The following KCTD10 variants were observed in gnomAD, a reference collection of about 807,000 sequenced individuals.
The protein encoded by KCTD10 is BTB/POZ domain-containing adapter for CUL3-mediated RhoA degradation protein 3.
KCTD10 carries 13 observed loss-of-function variants against 34.6 expected under a neutral mutation model. The observed-to-expected ratio is 0.38, with a 90% CI of 0.24 to 0.60. The LOEUF (loss-of-function observed/expected upper bound fraction) is 0.60, where lower values mean the gene tolerates loss of function less well. Ranked by LOEUF, KCTD10 falls within the 20% of genes least tolerant of loss-of-function variation. The pLI is 0.66. For synonymous variants in KCTD10, 156 were observed against 168.8 expected, an observed-to-expected ratio of 0.92 and a Z score of 0.59; for missense variants, 256 against 420.3, an observed-to-expected ratio of 0.61 and a Z score of 3.42.
intron 2 of KCTD10, among the ~76,000 whole-genome samples, chr12:109,461,128 G>A (rs973627622): frequency 1.3e-5 from 2 of 152,238 alleles, no homozygotes; most frequent in African/African-American, 2.4e-5. Context: ...CAGGGGCCTC[G>A]TGTACCACAC....
rs973161975 is a variant in KCTD10, at chr12:109,455,316, C to A, written c.723+802G>T. 4.6e-5 allele frequency among the ~76,000 whole-genome samples: 7 copies of A among 151,886 alleles called. 1 individual carries two copies. The highest frequency in any genetic ancestry group is 1.7e-4 in the African/African-American group (7 of 41,330). ...GAGTGAGAGTGCCCAAGCTGATGGC[C>A]CTTGACGTGGCGTGATGGCACAGGG... is the stretch of plus-strand genomic sequence containing the variant. On this transcript the variant is annotated intron_variant, in intron 6 of 6. Transcript: ENST00000228495.
In KCTD10 at chr12:109,451,572, G is replaced by A. The variant is rs1872767016; in HGVS notation, c.*23C>T. 6.3e-7 allele frequency: 1 copy of A among 1,585,746 alleles called. No individual in the cohort carries two copies. The highest frequency in any genetic ancestry group is 8.6e-7 in the Non-Finnish European group (1 of 1,164,956). ...GCAGGGAGTGGGGGCGGTGAGAGGA[G>A]GGCGGCTCGGTCTCTTGCCTGCTCA... is the stretch of plus-strand genomic sequence containing the variant. On this transcript the variant is annotated 3_prime_UTR_variant, in exon 7 of 7. Transcript: ENST00000228495. The surrounding 1 kb of genome is among the most constrained non-coding windows in gnomAD (Gnocchi z 5.0).
intron 2 of KCTD10, among the ~76,000 whole-genome samples, chr12:109,467,795 C>T (rs760361202): frequency 2.0e-5 from 3 of 151,916 alleles, no homozygotes; most frequent in Non-Finnish European, 4.4e-5. Context: ...AAAAACATCT[C>T]ATAGCAGGGA....
chr12:109,455,792 G>A (rs558377981), intron 6 of KCTD10, among the ~76,000 whole-genome samples: 6 of 152,298 alleles, frequency 3.9e-5, no homozygotes, highest in East Asian at 1.9e-4. Context: ...TTTGTGGAAC[G>A]GCATGGTGGG....
chr12:109,471,710 G>T (rs550159423), intron 1 of KCTD10, among the ~76,000 whole-genome samples: 7 of 152,264 alleles, frequency 4.6e-5, no homozygotes, highest in South Asian at 4.1e-4. Flanking sequence ...ACCTCGAAGG[G>T]GGGGAGAAAA....
intron 2 of KCTD10, chr12:109,465,022 C>T: frequency 3.2e-6 from 1 of 308,076 alleles, no homozygotes; most frequent in Non-Finnish European, 6.5e-6. Flanking sequence ...GAGTCCAGAG[C>T]CCCCTCATTT....
intron 5 of KCTD10, chr12:109,456,595 C>A: frequency 2.2e-6 from 1 of 453,384 alleles, no homozygotes; most frequent in Non-Finnish European, 4.1e-6. Flanking sequence ...AACCATTGTG[C>A]TTGAGTGACA....
Position 109,450,241 on chromosome 12 carries a change from C to CT in KCTD10, c.*1353dup. ...CTACCTAGTCTAGTCTCAACCACCCCTGTCAGTCACGACTCACTCCTGTTC... is the reference window on the plus strand; with the variant it reads ...CTACCTAGTCTAGTCTCAACCACCCCTTGTCAGTCACGACTCACTCCTGTTC... On this transcript the variant is annotated 3_prime_UTR_variant, in exon 7 of 7. Transcript: ENST00000228495. The CT allele has an allele frequency of 2.5e-6, 1 of 398,640 alleles. No individual in the cohort carries two copies. Among genetic ancestry groups the CT allele is most frequent in the East Asian group, 3.6e-5 (1 of 28,068 alleles). The allele number at this position is 398,640 out of a possible 1,614,324, so 24.7% of individuals were successfully genotyped here.
intron 1 of KCTD10, chr12:109,470,611 C>T: frequency 1.0e-6 from 1 of 985,238 alleles, no homozygotes; most frequent in South Asian, 4.7e-5. Flanking sequence ...CTGGGGTAGC[C>T]CCCACGGCTG....
At chr12:109,462,241 G>A (rs1332034204) in intron 2 of KCTD10, among the ~76,000 whole-genome samples, 2 of 152,242 alleles carry the variant, frequency 1.3e-5, no homozygotes, top group Non-Finnish European at 2.9e-5. Flanking sequence ...TTTGATAACA[G>A]GGCCGTTTCC....
At chr12:109,455,214 G>C (rs758417143) in intron 6 of KCTD10, among the ~76,000 whole-genome samples, 1 of 152,148 alleles carries the variant, frequency 6.6e-6, no homozygotes, top group Non-Finnish European at 1.5e-5. Context: ...TTTTAGGATA[G>C]ATTTTGAATG....
At chr12:109,473,277 T>C (rs771482951) in intron 1 of KCTD10, among the ~76,000 whole-genome samples, 4 of 152,056 alleles carry the variant, frequency 2.6e-5, no homozygotes, top group Non-Finnish European at 4.4e-5. Context: ...CAAAAAGCCC[T>C]GAAAATAGTC....
intron 1 of KCTD10, among the ~76,000 whole-genome samples, chr12:109,472,175 ATTTTT>A (rs962546558): frequency 6.6e-6 from 1 of 151,620 alleles, no homozygotes; most frequent in Non-Finnish European, 1.5e-5. Context: ...AAACTTTTTA[ATTTTT>A]TTTTAACTTT....
In KCTD10 at chr12:109,457,860, A is replaced by G. The variant is rs1873106093; in HGVS notation, c.474+132T>C. ...AGCAGGGGCACAAAAGATGACCTGT[A>G]GCTTCCCACTGTGAACCCATTATCA... On this transcript the variant is annotated intron_variant, in intron 4 of 6. Coordinates refer to ENST00000228495, the MANE Select transcript of KCTD10 (RefSeq NM_031954.5). 8 of 995,158 alleles carry G rather than the reference A, an allele frequency of 8.0e-6. No homozygotes were observed. In the South Asian group the frequency reaches 1.1e-4, roughly 13 times the overall value. 61.6% of individuals were successfully genotyped at this position (995,158 alleles called of 1,614,324 possible). A position where few individuals can be genotyped will look rare whatever the true frequency, so the allele number is the denominator to read the frequency against.
At position 109,451,778 on chromosome 12, in the gene KCTD10, G is replaced by T. The variant is rs891864726; in HGVS notation, c.759C>A (p.Thr253=). Residue 253 remains threonine (T), a synonymous_variant, in exon 7 of 7, where the codon ACC becomes ACA. Coordinates refer to ENST00000228495, the MANE Select transcript of KCTD10 (RefSeq NM_031954.5). The surrounding 1 kb of genome is among the most constrained non-coding windows in gnomAD (Gnocchi z 5.0). ...EFPEARIYEE[T]LNILLYEAQD... Reference sequence around the variant, plus strand: ...GGGCCTCATACAGCAAAATGTTCAGGGTCTCCTCATAAATCCGGGCTTCGG... The same window carrying T: ...GGGCCTCATACAGCAAAATGTTCAGTGTCTCCTCATAAATCCGGGCTTCGG... The T allele has an allele frequency of 6.2e-7, 1 of 1,613,874 alleles. No individual in the cohort carries two copies. The highest frequency in any genetic ancestry group is 8.5e-7 in the Non-Finnish European group (1 of 1,179,942).
chr12:109,473,686 A>G (rs1171525608), intron 1 of KCTD10, among the ~76,000 whole-genome samples: 1 of 152,036 alleles, frequency 6.6e-6, no homozygotes, highest in Admixed American at 6.5e-5. Flanking sequence ...AGCCCAAGTT[A>G]CAGTGAACTT....
At chr12:109,469,210 G>C (rs555376848) in intron 2 of KCTD10, 36 of 305,634 alleles carry the variant, frequency 1.2e-4, no homozygotes, top group Non-Finnish European at 1.7e-4. Context: ...AGGTTGGCAA[G>C]TCTTTGTCAA....
chr12:109,471,368 T>C (rs1592848405), intron 1 of KCTD10: 1 of 985,456 alleles, frequency 1.0e-6, no homozygotes, highest in Admixed American at 6.1e-5. Flanking sequence ...TCACCTGCCA[T>C]GTCAGGGCCC....
rs951609452 is a variant in KCTD10 at position 109,449,677 on chromosome 12, GA to G, written c.*1917del. 6.6e-6 allele frequency: 1 copy of G among 150,438 alleles called. No homozygotes were observed. Among genetic ancestry groups the G allele is most frequent in the Non-Finnish European group, 1.5e-5 (1 of 68,020 alleles). The allele number at this position is 150,438 out of a possible 1,614,324, so 9.3% of individuals were successfully genotyped here. A position where few individuals can be genotyped will look rare whatever the true frequency, so the allele number is the denominator to read the frequency against. On this transcript the variant is annotated 3_prime_UTR_variant, in exon 7 of 7. Coordinates refer to ENST00000228495, the MANE Select transcript of KCTD10 (RefSeq NM_031954.5). ...GGAGGCACAAGTTGTGGTAAGTGGA[GA>G]TGGTGCCACTACACTCCAGCCTGGC...
Sources: gnomAD v4.1 joint callset for allele counts (sites outside exome capture counted in the v4.1 genomes callset) on GRCh38, gnomAD v4.1.1 for gene constraint, Gnocchi (gnomAD v3.1) non-coding constraint, MANE v1.5 for transcripts, NCBI Gene and HGNC (gene_info 2026-07-23, HGNC 2026-07-21) for gene names.